The following ZBTB37 variants were observed in gnomAD, a reference collection of about 807,000 sequenced individuals.
The protein encoded by ZBTB37 is zinc finger and BTB domain-containing protein 37.
Under a neutral mutation model 37.7 loss-of-function variants are expected in ZBTB37, and 15 were observed. That is an observed-to-expected ratio of 0.40 (90% CI 0.27 to 0.61). The LOEUF is 0.61. ZBTB37 is among the 20% of genes least tolerant of loss of function. The pLI, the probability that ZBTB37 is intolerant of heterozygous loss-of-function variation, is 0.44. For missense variants in ZBTB37, 514 were observed against 641.9 expected (o/e 0.80, Z 2.15); for synonymous variants, 231 against 220.6 (o/e 1.05, Z -0.42).
intron 4 of ZBTB37, among the ~76,000 whole-genome samples, chr1:173,880,664 A>G (rs1656244674): frequency 6.6e-6 from 1 of 152,248 alleles, no homozygotes; most frequent in African/African-American, 2.4e-5. Context: ...TCTTGACAAC[A>G]GAGAGAACCA....
downstream of ZBTB37, chr1:173,886,754 C>T (rs1479418001): frequency 6.5e-6 from 1 of 152,712 alleles, no homozygotes; most frequent in Non-Finnish European, 1.5e-5. Flanking sequence ...AAGCAGTATT[C>T]TAGTGGACAA....
intron 4 of ZBTB37, among the ~76,000 whole-genome samples, chr1:173,882,321 A>AG (rs1460483804): frequency 2.1e-5 from 3 of 142,124 alleles, no homozygotes; most frequent in African/African-American, 7.9e-5. Flanking sequence ...TGCTCACTGC[A>AG]AGCTCTGCCT....
At chr1:173,889,305 G>A (rs1216211944), downstream of ZBTB37, 1 of 152,224 alleles carries the variant, frequency 6.6e-6, no homozygotes, top group African/African-American at 2.4e-5. Flanking sequence ...ATTGGTGTAT[G>A]CACAGAGGAT....
intron 4 of ZBTB37, among the ~76,000 whole-genome samples, chr1:173,885,138 G>A (rs1010117955): frequency 6.6e-6 from 1 of 152,200 alleles, no homozygotes; most frequent in Admixed American, 6.5e-5. Context: ...GGAGGCTGAG[G>A]TGGGAGGATC....
chr1:173,885,681 C>A (rs971936499), exon 5 of ZBTB37: 1 of 1,551,950 alleles, frequency 6.4e-7, no homozygotes, highest in Non-Finnish European at 8.7e-7. Context: ...TGTGGAGTAT[C>A]TCCGAGAGCA....
chr1:173,877,915 C>G (rs930415291), intron 4 of ZBTB37, among the ~76,000 whole-genome samples: 1 of 152,144 alleles, frequency 6.6e-6, no homozygotes, highest in African/African-American at 2.4e-5. Context: ...TAAAGTTACT[C>G]TTTTACTTGA....
intron 1 of ZBTB37, chr1:173,868,708 C>G (rs1050018730): frequency 2.6e-5 from 4 of 152,900 alleles, no homozygotes; most frequent in Non-Finnish European, 5.8e-5. Flanking sequence ...CCGCCCGCCG[C>G]CGCCTGGAGC....
At chr1:173,889,719 T>C (rs552092166), downstream of ZBTB37, 1 of 152,196 alleles carries the variant, frequency 6.6e-6, no homozygotes, top group Non-Finnish European at 1.5e-5. Flanking sequence ...CTGAACCAAG[T>C]TGAATTTTAT....
chr1:173,880,663 CAGAG>C (rs989369468), intron 4 of ZBTB37, among the ~76,000 whole-genome samples: 1 of 152,212 alleles, frequency 6.6e-6, no homozygotes. Flanking sequence ...CTCTTGACAA[CAGAG>C]AGAACCATGA....
chr1:173,875,078 CAGGTAATTTAG>C (rs1217717299), intron 4 of ZBTB37, among the ~76,000 whole-genome samples: 2 of 148,772 alleles, frequency 1.3e-5, no homozygotes, highest in Admixed American at 6.8e-5. Context: ...AGGTAATTTG[CAGGTAATTTAG>C]GACCTGGAAT....
At chr1:173,886,479 A>G (rs922904347) in exon 5 of ZBTB37, 1 of 185,506 alleles carries the variant, frequency 5.4e-6, no homozygotes, top group African/African-American at 2.4e-5. Context: ...GGTCCATATC[A>G]TCTTGGTGGC....
intron 4 of ZBTB37, among the ~76,000 whole-genome samples, chr1:173,883,460 A>T (rs1468046768): frequency 6.6e-6 from 1 of 152,164 alleles, no homozygotes; most frequent in African/African-American, 2.4e-5. Flanking sequence ...AAAAAGAGCG[A>T]AACTCCGTCT....
At chr1:173,885,380 G>A (rs1445982667) in intron 4 of ZBTB37, among the ~76,000 whole-genome samples, 7 of 152,162 alleles carry the variant, frequency 4.6e-5, no homozygotes, top group Non-Finnish European at 8.8e-5. Flanking sequence ...TTCAGCAGGG[G>A]TTTAATAAGC....
At chr1:173,898,886 A>C (rs952506832) in exon 4 of ZBTB37, 3 of 152,206 alleles carry the variant, frequency 2.0e-5, no homozygotes, top group Admixed American at 6.5e-5. Flanking sequence ...TTTTTACCCT[A>C]ATACACTGAT....
chr1:173,870,297 G>A lies in ZBTB37; in HGVS notation c.72G>A (p.Gln24=), dbSNP rs9425761. The change falls in exon 3 of 5, where the codon CAG becomes CAA. Residue 24 remains glutamine (Q), a synonymous_variant. Transcript: ENST00000427304. Reference sequence around the variant, plus strand: ...ACTCTGTCCTGAGCCATCTAAACCAGTTGCGCATGCAGGGCCGTCTCTGTG... The same window carrying A: ...ACTCTGTCCTGAGCCATCTAAACCAATTGCGCATGCAGGGCCGTCTCTGTG... The A allele has an allele frequency of 0.019, 30,192 of 1,614,120 alleles. 4,022 individuals are homozygous for A. In the African/African-American group the frequency reaches 0.32, roughly 17 times the overall value.
exon 5 of ZBTB37, chr1:173,886,082 G>C (rs925754273): frequency 1.7e-5 from 27 of 1,551,524 alleles, no homozygotes; most frequent in Non-Finnish European, 2.6e-6. Context: ...TTGCTCCTGG[G>C]GAAGCTGTCC....
chr1:173,881,103 C>A (rs1018295267), intron 4 of ZBTB37, among the ~76,000 whole-genome samples: 1 of 151,978 alleles, frequency 6.6e-6, no homozygotes, highest in Non-Finnish European at 1.5e-5. Context: ...ATCCCTCCCC[C>A]CTCCTCCCAC....
At chr1:173,869,415 A>C (rs916756148) in intron 2 of ZBTB37, among the ~76,000 whole-genome samples, 28 of 152,210 alleles carry the variant, frequency 1.8e-4, no homozygotes, top group African/African-American at 6.5e-4. Context: ...TAATGGAAAA[A>C]TGTTGGCATA....
chr1:173,870,749 G>A (rs764993293), exon 3 of ZBTB37: 8 of 1,614,048 alleles, frequency 5.0e-6, no homozygotes, highest in African/African-American at 2.7e-5. Flanking sequence ...GGAAACCGGC[G>A]AGGTCAGGTT....
Sources: allele counts gnomAD v4.1 joint callset (sites outside exome capture counted in the v4.1 genomes callset), GRCh38; gene constraint gnomAD v4.1.1; transcripts MANE v1.5; gene names NCBI Gene and HGNC (gene_info 2026-07-23, HGNC 2026-07-21).